The following SYNE1 variants were observed in gnomAD, a reference collection of about 807,000 sequenced individuals.
SYNE1 encodes spectrin repeat containing nuclear envelope protein 1.
Under a neutral mutation model 1,111.0 loss-of-function variants are expected in SYNE1, and 616 were observed. The ratio of observed to expected loss-of-function variants is 0.55; its 90% CI spans 0.52 to 0.59. The LOEUF is 0.59. SYNE1 is among the 20% of genes least tolerant of loss of function. The probability of loss-of-function intolerance (pLI) is 0.00; values close to 1 mark genes in which losing one functional copy is unlikely to be tolerated. For synonymous variants in SYNE1, 3,855 were observed against 3,825.8 expected, an observed-to-expected ratio of 1.01 and a Z score of -0.28; for missense variants, 10,006 against 10,417.0, an observed-to-expected ratio of 0.96 and a Z score of 1.72.
intron 11 of SYNE1, 152 bp from the exon 12 acceptor site, chr6:152,488,655 C>G (rs1260378462): frequency 1.1e-5 from 6 of 525,214 alleles, no homozygotes; most frequent in Non-Finnish European, 1.7e-5. Context: ...ACCTTTAGGA[C>G]AGTAAGAAGC....
chr6:152,358,329 T>C (rs2096874198), intron 66 of SYNE1, 44 bp downstream of exon 66: 2 of 1,613,464 alleles, frequency 1.2e-6, no homozygotes, highest in Non-Finnish European at 1.7e-6. Flanking sequence ...TAATTCCATA[T>C]TCAGAATGAA....
intron 127 of SYNE1, among the ~76,000 whole-genome samples, chr6:152,200,032 C>A (rs776732663): frequency 3.3e-5 from 5 of 152,174 alleles, no homozygotes; most frequent in Non-Finnish European, 7.3e-5. Flanking sequence ...AATTGTTATA[C>A]CACTGGAAAG....
chr6:152,382,348 T>C (rs1371995719), intron 55 of SYNE1, among the ~76,000 whole-genome samples: 1 of 152,168 alleles, frequency 6.6e-6, no homozygotes, highest in Admixed American at 6.5e-5. Context: ...AAAGAAACAT[T>C]GGAATGTTAA....
intron 55 of SYNE1, among the ~76,000 whole-genome samples, chr6:152,384,563 C>T (rs1027003231): frequency 1.3e-5 from 2 of 152,146 alleles, no homozygotes; most frequent in African/African-American, 4.8e-5. Flanking sequence ...TAAGATAATA[C>T]TTTTAAAGCA....
At chr6:152,131,395 C>T (rs1340073565) in intron 144 of SYNE1, among the ~76,000 whole-genome samples, 3 of 146,436 alleles carry the variant, frequency 2.0e-5, no homozygotes, top group Non-Finnish European at 3.0e-5. Context: ...ATGTTTATAA[C>T]AAAAAAGTCA....
At chr6:152,346,598 C>T (rs1432518353) in intron 73 of SYNE1, among the ~76,000 whole-genome samples, 5 of 152,034 alleles carry the variant, frequency 3.3e-5, no homozygotes, top group African/African-American at 1.2e-4. Context: ...ATCACGAGGT[C>T]AGGAGATCGA....
At chr6:152,467,652 C>T (rs2098779063) in intron 16 of SYNE1, among the ~76,000 whole-genome samples, 1 of 151,938 alleles carries the variant, frequency 6.6e-6, no homozygotes, top group African/African-American at 2.4e-5. Flanking sequence ...ATCTTATTTC[C>T]AATTTAATTT....
intron 59 of SYNE1, among the ~76,000 whole-genome samples, chr6:152,370,506 C>T (rs919212218): frequency 3.2e-4 from 48 of 152,282 alleles, no homozygotes; most frequent in African/African-American, 1.1e-3. Context: ...ATGTTATGTG[C>T]TTATCACATA....
At chr6:152,620,985 A>T (rs2099674122) in intron 3 of SYNE1, among the ~76,000 whole-genome samples, 1 of 152,176 alleles carries the variant, frequency 6.6e-6, no homozygotes, top group Non-Finnish European at 1.5e-5. Flanking sequence ...AAAGAGCTAG[A>T]GGGGTTTAGA....
Position 152,353,581 on chromosome 6 carries a change from C to T in SYNE1, c.11082+8G>A, listed in dbSNP as rs200696009. 2 of 1,614,156 alleles carry T rather than the reference C, an allele frequency of 1.2e-6. No homozygotes were observed. The highest frequency in any genetic ancestry group is 3.3e-5 in the Admixed American group (2 of 60,026). The stretch of plus-strand genomic sequence containing the variant: ...TGGTCTATGCTGAGCACCTGGTGAC[C>T]CACTCACCAGCACTTGGAGAAGCAG... On this transcript the variant is annotated splice_region_variant and intron_variant, in intron 68 of 145. Transcript: ENST00000367255.
At chr6:152,580,020 G>A (rs571320476) in intron 3 of SYNE1, among the ~76,000 whole-genome samples, 1 of 152,078 alleles carries the variant, frequency 6.6e-6, no homozygotes, top group African/African-American at 2.4e-5. Context: ...ATTCATTTGG[G>A]TATATACCCA....
intron 137 of SYNE1, chr6:152,144,955 G>A (rs1306128244): frequency 2.4e-5 from 4 of 165,000 alleles, no homozygotes; most frequent in Non-Finnish European, 5.4e-5. Flanking sequence ...TATCTTTTAC[G>A]ACCTCTTAAA....
At chr6:152,199,898 G>GTC (rs1446564446) in intron 127 of SYNE1, among the ~76,000 whole-genome samples, 1 of 152,178 alleles carries the variant, frequency 6.6e-6, no homozygotes, top group Non-Finnish European at 1.5e-5. Context: ...GCGTGTGTTT[G>GTC]TAACTGTCAT....
At chr6:152,515,229 A>AG (rs1023654835) in intron 6 of SYNE1, among the ~76,000 whole-genome samples, 8 of 152,004 alleles carry the variant, frequency 5.3e-5, no homozygotes, top group Admixed American at 2.0e-4. Context: ...CTCAAAAAAA[A>AG]AAAAGAAAAG....
chr6:152,364,089 T>C (rs2097002934), intron 63 of SYNE1, among the ~76,000 whole-genome samples: 1 of 152,184 alleles, frequency 6.6e-6, no homozygotes, highest in Non-Finnish European at 1.5e-5. Flanking sequence ...GTTCTCGTGA[T>C]AGTCAGTGAG....
intron 134 of SYNE1, 46 bp downstream of exon 134, chr6:152,151,913 G>C: frequency 2.5e-6 from 4 of 1,605,216 alleles, no homozygotes; most frequent in Non-Finnish European, 3.4e-6. Flanking sequence ...AAATGGCCCA[G>C]TCCCATCCTC....
chr6:152,345,847 C>A (rs898234023), intron 73 of SYNE1, among the ~76,000 whole-genome samples: 1 of 152,116 alleles, frequency 6.6e-6, no homozygotes, highest in Admixed American at 6.6e-5. Context: ...ACACTTATTT[C>A]TAAAACATTA....
chr6:152,276,910 C>T (rs527875792), intron 98 of SYNE1, among the ~76,000 whole-genome samples: 22 of 125,274 alleles, frequency 1.8e-4, no homozygotes, highest in East Asian at 9.1e-4. Flanking sequence ...TTTGAGACGG[C>T]GTCTCCCTCT....
In SYNE1 at chr6:152,358,388, T is replaced by G. The variant is rs1169735743; in HGVS notation, c.10593A>C (p.Thr3531=). The part of the protein sequence containing the change: ...LEGDAHTHET[T]LRDLQELQVH... ...GAGGCCTTACCTGAAGATCACGCAA[T>G]GTTGTCTCATGAGTGTGGGCATCAC... The change falls in exon 66 of 146, where the codon ACA becomes ACC. Residue 3531 remains threonine, a synonymous_variant. Coordinates refer to ENST00000367255, the MANE Select transcript of SYNE1 (RefSeq NM_182961.4). 1 of 1,614,176 alleles carries G rather than the reference T, an allele frequency of 6.2e-7. No homozygotes were observed. The highest frequency in any genetic ancestry group is 1.7e-5 in the Admixed American group (1 of 60,022).
Sources: gnomAD v4.1 joint callset for allele counts (sites outside exome capture counted in the v4.1 genomes callset) on GRCh38, gnomAD v4.1.1 for gene constraint, MANE v1.5 for transcripts, NCBI Gene and HGNC (gene_info 2026-07-23, HGNC 2026-07-21) for gene names.